CDC73: variants seen among roughly 807,000 people sequenced by gnomAD.
CDC73 encodes cell division cycle 73.
In CDC73, 21 loss-of-function variants were observed where a neutral mutation model predicts 83.7. The ratio of observed to expected loss-of-function variants is 0.25; its 90% CI spans 0.18 to 0.36. CDC73 has a LOEUF of 0.36. CDC73 is among the 10% of genes least tolerant of loss of function. CDC73 has a pLI of 1.00. For missense variants in CDC73, 342 were observed against 653.3 expected (o/e 0.52, Z 5.19); for synonymous variants, 224 against 212.9 (o/e 1.05, Z -0.45).
chr1:193,203,774 T>G (rs368914128), intron 10 of CDC73, 21 bp from the exon 11 acceptor site: 2 of 1,588,232 alleles, frequency 1.3e-6, no homozygotes, highest in African/African-American at 2.7e-5. Flanking sequence ...ATCTTATATA[T>G]CAATTCTTAT....
chr1:193,232,077 T>C (rs1166181671), intron 13 of CDC73, among the ~76,000 whole-genome samples: 1 of 152,184 alleles, frequency 6.6e-6, no homozygotes, highest in Non-Finnish European at 1.5e-5. Flanking sequence ...TAAGAATATC[T>C]GTCTTGAGAA....
chr1:193,139,642 A>G (rs1161118740), intron 6 of CDC73, among the ~76,000 whole-genome samples: 1 of 152,204 alleles, frequency 6.6e-6, no homozygotes, highest in Admixed American at 6.5e-5. Flanking sequence ...AACATCATAT[A>G]TACTTTTTAC....
At chr1:193,122,643 G>A in intron 1 of CDC73, 1 of 335,358 alleles carries the variant, frequency 3.0e-6, no homozygotes, top group Non-Finnish European at 5.7e-6. Flanking sequence ...TGGTGCGCAA[G>A]GGATACCTGA....
chr1:193,238,775 G>GT (rs1558322124), intron 15 of CDC73, among the ~76,000 whole-genome samples: 1 of 152,108 alleles, frequency 6.6e-6, no homozygotes, highest in East Asian at 1.9e-4. Context: ...TAAGAAAATC[G>GT]TAAGAAAGAG....
intron 5 of CDC73, among the ~76,000 whole-genome samples, chr1:193,137,429 A>C (rs1280868375): frequency 1.3e-5 from 2 of 152,216 alleles, no homozygotes; most frequent in African/African-American, 4.8e-5. Context: ...TTGAATGTGG[A>C]CATTAAACTG....
intron 7 of CDC73, among the ~76,000 whole-genome samples, chr1:193,146,978 A>G (rs1401429540): frequency 6.6e-6 from 1 of 151,998 alleles, no homozygotes; most frequent in Non-Finnish European, 1.5e-5. Context: ...TCTTTTGACA[A>G]ATGTATTTAT....
rs1558276032 is a variant in CDC73 at position 193,122,192 on chromosome 1, G to GT, written c.-9_-8insT. On this transcript the variant is annotated 5_prime_UTR_variant, in exon 1 of 17. Transcript: ENST00000367435. ...GCGCCCCGAGCCGGCGGAGGCGAGG[G>GT]GGGGGAAGATGGCGGACGTGCTTAG... 4.3e-6 allele frequency: 7 copies of GT among 1,613,110 alleles called. No individual in the cohort carries two copies. Among genetic ancestry groups the GT allele is most frequent in the Non-Finnish European group, 5.9e-6 (7 of 1,179,230 alleles).
intron 11 of CDC73, among the ~76,000 whole-genome samples, chr1:193,208,684 T>A: frequency 6.6e-6 from 1 of 152,194 alleles, no homozygotes; most frequent in South Asian, 2.1e-4. Context: ...CACTTAAATG[T>A]AAACTTAATA....
At chr1:193,202,955 C>T (rs976424229) in intron 10 of CDC73, among the ~76,000 whole-genome samples, 1 of 151,400 alleles carries the variant, frequency 6.6e-6, no homozygotes, top group African/African-American at 2.4e-5. Flanking sequence ...ATTTATGTAC[C>T]TCCCCTGATA....
At chr1:193,147,229 T>C (rs1226650519) in intron 7 of CDC73, among the ~76,000 whole-genome samples, 1 of 151,984 alleles carries the variant, frequency 6.6e-6, no homozygotes, top group African/African-American at 2.4e-5. Context: ...CCTGACCTCA[T>C]GATCCACCTG....
chr1:193,131,058 G>T (rs1425646485), intron 3 of CDC73, among the ~76,000 whole-genome samples: 5 of 151,844 alleles, frequency 3.3e-5, no homozygotes, highest in African/African-American at 1.2e-4. Context: ...TCATATATAT[G>T]CTGATGAAAT....
chr1:193,187,225 A>G (rs888344295), intron 10 of CDC73, among the ~76,000 whole-genome samples: 1 of 150,996 alleles, frequency 6.6e-6, no homozygotes, highest in African/African-American at 2.4e-5. Flanking sequence ...TTGATGGCAG[A>G]AAACTTTATT....
At chr1:193,154,836 C>T (rs1335316584) in intron 10 of CDC73, among the ~76,000 whole-genome samples, 1 of 151,988 alleles carries the variant, frequency 6.6e-6, no homozygotes, top group Non-Finnish European at 1.5e-5. Context: ...TTGTGAGTTG[C>T]ACCAACTTTC....
chr1:193,132,895 ATTTTTTT>A (rs781435930), intron 3 of CDC73, among the ~76,000 whole-genome samples: 23 of 113,194 alleles, frequency 2.0e-4, no homozygotes, highest in South Asian at 8.8e-4. Context: ...TTTCCTGTAG[ATTTTTTT>A]TTTTTTTTTT....
At chr1:193,181,529 C>T in intron 10 of CDC73, 1 of 1,606,346 alleles carries the variant, frequency 6.2e-7, no homozygotes, top group African/African-American at 1.3e-5. Flanking sequence ...GTCATCTTTG[C>T]AAAGCAGCAG....
intron 10 of CDC73, among the ~76,000 whole-genome samples, chr1:193,167,860 G>GT (rs1451088710): frequency 6.6e-6 from 1 of 151,722 alleles, no homozygotes; most frequent in African/African-American, 2.4e-5. Flanking sequence ...CTTTTCTTGT[G>GT]TTTTTTTGTT....
chr1:193,153,208 T>A (rs573163017), intron 10 of CDC73, among the ~76,000 whole-genome samples: 1 of 152,336 alleles, frequency 6.6e-6, no homozygotes, highest in East Asian at 1.9e-4. Flanking sequence ...TAGCAAACTT[T>A]CTTTTTTTAA....
chr1:193,249,043 T>C (rs1465245771), intron 15 of CDC73, among the ~76,000 whole-genome samples: 1 of 152,052 alleles, frequency 6.6e-6, no homozygotes, highest in African/African-American at 2.4e-5. Flanking sequence ...TCAAATATTA[T>C]CACATACTGT....
At chr1:193,167,933 T>A (rs1028339916) in intron 10 of CDC73, among the ~76,000 whole-genome samples, 1 of 152,208 alleles carries the variant, frequency 6.6e-6, no homozygotes, top group Non-Finnish European at 1.5e-5. Flanking sequence ...CAATCTTGGC[T>A]TACTGCAACC....
Sources: gnomAD v4.1 joint callset for allele counts (sites outside exome capture counted in the v4.1 genomes callset) on GRCh38, gnomAD v4.1.1 for gene constraint, MANE v1.5 for transcripts, NCBI Gene and HGNC (gene_info 2026-07-23, HGNC 2026-07-21) for gene names.